The following NWD1 variants were observed in gnomAD, a reference collection of about 807,000 sequenced individuals.
NWD1 encodes the protein NACHT domain- and WD repeat-containing protein 1.
Under a neutral mutation model 135.1 loss-of-function variants are expected in NWD1, and 129 were observed. The observed-to-expected ratio is 0.96, with a 90% confidence interval of 0.83 to 1.11. The LOEUF (loss-of-function observed/expected upper bound fraction) is 1.11. Ranked by LOEUF, NWD1 falls within the 50% of genes least tolerant of loss-of-function variation. The probability of loss-of-function intolerance (pLI) is 0.00; values close to 1 mark genes in which losing one functional copy is unlikely to be tolerated. For missense variants in NWD1, 1,740 were observed against 1,851.3 expected (o/e 0.94, Z 1.10); for synonymous variants, 773 against 786.0 (o/e 0.98, Z 0.28).
At chr19:16,808,181 GAA>G in intron 18 of NWD1, 45 bp downstream of exon 18, 1 of 1,547,572 alleles carries the variant, frequency 6.5e-7, no homozygotes, top group Non-Finnish European at 8.9e-7. Flanking sequence ...CCAGGCATTG[GAA>G]AACTGATAGA....
At chr19:16,786,010 G>A (rs1057153612) in intron 12 of NWD1, among the ~76,000 whole-genome samples, 3 of 151,646 alleles carry the variant, frequency 2.0e-5, no homozygotes, top group Non-Finnish European at 4.4e-5. Flanking sequence ...GATTACAGGC[G>A]CCTGCCACCA....
chr19:16,759,210 T>C lies in NWD1; in HGVS notation c.1770-15T>C. The C allele has an allele frequency of 6.2e-7, 1 of 1,608,966 alleles. No individual in the cohort carries two copies. Among genetic ancestry groups the C allele is most frequent in the Non-Finnish European group, 8.5e-7 (1 of 1,175,530 alleles). On this transcript the variant is annotated splice_polypyrimidine_tract_variant and intron_variant, in intron 6 of 18. Coordinates refer to ENST00000524140, the MANE Select transcript of NWD1 (RefSeq NM_001007525.5). Reference sequence around the variant, plus strand: ...CATGAGATGTGCCTCAAAGCCCCACTGGTCCTCCCTTCAGACACGGTCTCT... The same window carrying C: ...CATGAGATGTGCCTCAAAGCCCCACCGGTCCTCCCTTCAGACACGGTCTCT...
intron 5 of NWD1, among the ~76,000 whole-genome samples, chr19:16,747,517 C>T (rs1429406316): frequency 6.6e-6 from 1 of 151,882 alleles, no homozygotes; most frequent in African/African-American, 2.4e-5. Flanking sequence ...GCTGGGACCG[C>T]AGTCACACGC....
chr19:16,742,235 C>T (rs747502296), intron 4 of NWD1, among the ~76,000 whole-genome samples: 2 of 151,736 alleles, frequency 1.3e-5, no homozygotes, highest in Admixed American at 6.6e-5. Context: ...ATTAGCCAGG[C>T]GTGGTGGCTC....
intron 17 of NWD1, among the ~76,000 whole-genome samples, chr19:16,803,992 G>A (rs1474923677): frequency 1.3e-5 from 2 of 152,122 alleles, no homozygotes; most frequent in Non-Finnish European, 2.9e-5. Flanking sequence ...TTTTCTGCAT[G>A]AGGTAGTTGG....
intron 6 of NWD1, among the ~76,000 whole-genome samples, chr19:16,756,862 C>T (rs149621232): frequency 6.6e-6 from 1 of 152,116 alleles, no homozygotes; most frequent in Non-Finnish European, 1.5e-5. Flanking sequence ...CCGAGCTCCC[C>T]CTCTTGTCAG....
In NWD1 at chr19:16,808,065, G is replaced by C; in HGVS notation, c.4216G>C (p.Gly1406Arg). ...VSHKEQLVVS[G>R]SEDALLCLWD... Reference sequence around the variant, plus strand: ...CCACAAGGAGCAGCTGGTGGTCAGCGGGTCTGAGGATGCCCTGCTGTGTCT... The same window carrying C: ...CCACAAGGAGCAGCTGGTGGTCAGCCGGTCTGAGGATGCCCTGCTGTGTCT... Residue 1406 changes from glycine (G) to arginine (R), a missense_variant, in exon 18 of 19, where the codon GGG (glycine) becomes CGG (arginine). Coordinates refer to ENST00000524140, the MANE Select transcript of NWD1 (RefSeq NM_001007525.5). 1 of 1,614,144 alleles carries C rather than the reference G, an allele frequency of 6.2e-7. No individual in the cohort carries two copies. The highest frequency in any genetic ancestry group is 8.5e-7 in the Non-Finnish European group (1 of 1,180,016).
rs533107078 is a variant in NWD1 at position 16,799,558 on chromosome 19, G to A, written c.3460-328G>A. Among the ~76,000 whole-genome samples the A allele has an allele frequency of 1.4e-4, 21 of 151,774 alleles. No individual in the cohort carries two copies. The South Asian group carries it at 2.7e-3, about 20-fold the overall frequency. On this transcript the variant is annotated intron_variant, in intron 16 of 18. Transcript: ENST00000524140. Reference sequence around the variant, plus strand: ...TTTCATTCTTGTTGCCCAGGCTTGCGTGCAATGGCACGATCTTGGCTCATT... The same window carrying A: ...TTTCATTCTTGTTGCCCAGGCTTGCATGCAATGGCACGATCTTGGCTCATT...
rs548452765 is a variant in NWD1, at chr19:16,798,014, T to G, written c.3459+128T>G. ...AGTGCAGGCAAAATAGGTGAGTTCA[T>G]TGGGAGGATATGGGGGTGTATCCTC... On this transcript the variant is annotated intron_variant, in intron 16 of 18. Coordinates refer to ENST00000524140, the MANE Select transcript of NWD1 (RefSeq NM_001007525.5). 135 of 819,964 alleles carry G rather than the reference T, an allele frequency of 1.6e-4. No homozygotes were observed. The Admixed American group carries it at 1.9e-3, about 11-fold the overall frequency. 50.8% of individuals were successfully genotyped at this position (819,964 alleles called of 1,614,324 possible).
At chr19:16,741,975 G>A (rs1299922355) in intron 4 of NWD1, among the ~76,000 whole-genome samples, 1 of 152,038 alleles carries the variant, frequency 6.6e-6, no homozygotes, top group Non-Finnish European at 1.5e-5. Context: ...GCCGGGTGTG[G>A]TGGTGGGCGC....
intron 18 of NWD1, among the ~76,000 whole-genome samples, chr19:16,808,686 C>A (rs1054157657): frequency 1.3e-5 from 2 of 152,028 alleles, no homozygotes; most frequent in Admixed American, 6.6e-5. Context: ...TAGCTCATTG[C>A]AGCCTCAATC....
chr19:16,794,039 G>C (rs1342441732), intron 14 of NWD1, among the ~76,000 whole-genome samples: 1 of 152,138 alleles, frequency 6.6e-6, no homozygotes, highest in African/African-American at 2.4e-5. Flanking sequence ...GACCACAGGG[G>C]TGTACCACCA....
chr19:16,778,121 C>A (rs1214408032), intron 11 of NWD1, among the ~76,000 whole-genome samples: 1 of 152,090 alleles, frequency 6.6e-6, no homozygotes, highest in African/African-American at 2.4e-5. Context: ...ATTCTGTATT[C>A]TCAGAGCTTG....
At chr19:16,752,789 G>A (rs1271808053) in intron 6 of NWD1, among the ~76,000 whole-genome samples, 7 of 152,182 alleles carry the variant, frequency 4.6e-5, no homozygotes, top group South Asian at 2.1e-4. Context: ...TTGAGCCCAG[G>A]AGTTCAAGAC....
At chr19:16,740,256 ACC>A (rs1372730845) in intron 4 of NWD1, among the ~76,000 whole-genome samples, 2 of 152,024 alleles carry the variant, frequency 1.3e-5, no homozygotes, top group Admixed American at 1.3e-4. Flanking sequence ...CTATGATTGT[ACC>A]GTGGCACTCT....
intron 18 of NWD1, among the ~76,000 whole-genome samples, chr19:16,811,040 A>G (rs1453898157): frequency 6.6e-6 from 1 of 151,898 alleles, no homozygotes; most frequent in Non-Finnish European, 1.5e-5. Context: ...TAATTTTTTA[A>G]TTTTTTGTAG....
At chr19:16,776,325 T>C (rs1162645685) in intron 11 of NWD1, among the ~76,000 whole-genome samples, 1 of 151,970 alleles carries the variant, frequency 6.6e-6, no homozygotes, top group Non-Finnish European at 1.5e-5. Context: ...ATCCCAGCGC[T>C]TTGGGAGGTT....
chr19:16,793,555 CTGTTTTTT>C (rs1451011892), intron 14 of NWD1, among the ~76,000 whole-genome samples: 2 of 142,886 alleles, frequency 1.4e-5, no homozygotes, highest in African/African-American at 5.2e-5. Flanking sequence ...TTTTTTTTAA[CTGTTTTTT>C]TGTTTTTTGG....
rs561821036 is a variant in NWD1 at position 16,799,415 on chromosome 19, T to C, written c.3460-471T>C. ...TTCACCATGTTGGCCAGGATGGTCT[T>C]GATCTCCTGACCTCATGATCCACCC... On this transcript the variant is annotated intron_variant, in intron 16 of 18. Coordinates refer to ENST00000524140, the MANE Select transcript of NWD1 (RefSeq NM_001007525.5). 1.4e-3 allele frequency among the ~76,000 whole-genome samples: 208 copies of C among 151,990 alleles called. 2 individuals are homozygous for C. Among genetic ancestry groups the C allele is most frequent in the African/African-American group, 4.7e-3 (196 of 41,482 alleles).
Sources: gnomAD v4.1 joint callset for allele counts (sites outside exome capture counted in the v4.1 genomes callset) on GRCh38, gnomAD v4.1.1 for gene constraint, MANE v1.5 for transcripts, NCBI Gene and HGNC (gene_info 2026-07-23, HGNC 2026-07-21) for gene names.